Variants in ANKLE2 observed in about 807,000 individuals in gnomAD.
The protein encoded by ANKLE2 is ankyrin repeat and LEM domain-containing protein 2.
In ANKLE2, 55 loss-of-function variants were observed where a neutral mutation model predicts 84.2. The observed-to-expected ratio is 0.65, with a 90% confidence interval of 0.53 to 0.82. The LOEUF (loss-of-function observed/expected upper bound fraction) is 0.82, where lower values mean the gene tolerates loss of function less well. ANKLE2 is among the 40% of genes least tolerant of loss of function. ANKLE2 has a pLI of 0.00. For synonymous variants in ANKLE2, 551 were observed against 486.1 expected (o/e 1.13, Z -1.76); for missense variants, 1,238 against 1,201.9 (o/e 1.03, Z -0.44).
chr12:132,755,129 T>C lies in ANKLE2; in HGVS notation c.186A>G (p.Glu62=). 6.3e-7 allele frequency: 1 copy of C among 1,597,306 alleles called. No individual in the cohort carries two copies. The highest frequency in any genetic ancestry group is 1.1e-5 in the South Asian group (1 of 89,456). The change falls in exon 2 of 13, where the codon GAA becomes GAG. Residue 62 remains glutamate, a synonymous_variant. Transcript: ENST00000357997. ...GAGCCAACAGAGCATCCATTGTCAT[T>C]TCACCTAGGCCCAAGACAAAAAAAT... ...PSAAAAPASG[E]MTMDALLARL...
At chr12:132,740,080 T>C (rs954599649) in intron 7 of ANKLE2, among the ~76,000 whole-genome samples, 1 of 152,198 alleles carries the variant, frequency 6.6e-6, no homozygotes, top group African/African-American at 2.4e-5. Flanking sequence ...TTTCTGACAG[T>C]GTGGTTTGAA....
At position 132,755,013 on chromosome 12, in the gene ANKLE2, A is replaced by G. The variant is rs753780925; in HGVS notation, c.302T>C (p.Ile101Thr). ...AGCCTGAGCCAATTTTTTCTCAAAA[A>G]TGAACCTTGTAGTTGATGTAATGGG... ...CGPITSTTRF[I>T]FEKKLAQALL... Residue 101 changes from isoleucine (I) to threonine (T), a missense_variant, in exon 2 of 13, where the codon ATT (isoleucine) becomes ACT (threonine). Transcript: ENST00000357997. 1.9e-6 allele frequency: 3 copies of G among 1,614,086 alleles called. No homozygotes were observed. The South Asian group carries it at 3.3e-5, about 18-fold the overall frequency.
At chr12:132,751,121 C>A in intron 2 of ANKLE2, 1 of 290,490 alleles carries the variant, frequency 3.4e-6, no homozygotes, top group Non-Finnish European at 6.2e-6. Context: ...AACTAAATTT[C>A]ATATAAAGAT....
intron 6 of ANKLE2, chr12:132,742,447 G>A (rs1054242859): frequency 6.5e-6 from 1 of 152,876 alleles, no homozygotes; most frequent in Non-Finnish European, 1.5e-5. Context: ...ACAGCTCACA[G>A]CTGTAATACA....
intron 7 of ANKLE2, 36 bp from the exon 8 acceptor site, chr12:132,737,101 GC>G: frequency 6.4e-7 from 1 of 1,553,130 alleles, no homozygotes; most frequent in Non-Finnish European, 8.7e-7. Context: ...GCAGGCTTCC[GC>G]CCCCTCCGCA....
chr12:132,741,419 C>G lies in ANKLE2; in HGVS notation c.1420G>C (p.Gly474Arg). 1 of 1,614,188 alleles carries G rather than the reference C, an allele frequency of 6.2e-7. No individual in the cohort carries two copies. The highest frequency in any genetic ancestry group is 8.5e-7 in the Non-Finnish European group (1 of 1,180,022). The change falls in exon 7 of 13, where the codon GGC becomes CGC. Residue 474 changes from glycine (G) to arginine (R), a missense_variant and splice_region_variant. By Grantham distance (125) the Gly-to-Arg change is moderately radical. Transcript: ENST00000357997. Reference sequence around the variant, plus strand: ...TCCAGGCACCAACTCCCCATCTTACCCTTTAAATACTCTCTGATCCGCTCC... The same window carrying G: ...TCCAGGCACCAACTCCCCATCTTACGCTTTAAATACTCTCTGATCCGCTCC... ...LKERIREYLK[G>R]HYYVPLLRAE... is the part of the protein sequence containing the mutation.
intron 1 of ANKLE2, chr12:132,761,347 C>G (rs940242016): frequency 3.3e-6 from 1 of 299,176 alleles, no homozygotes; most frequent in Admixed American, 5.1e-5. Context: ...GCCGGGCCCC[C>G]GCCGCCTTCC....
Position 132,726,931 on chromosome 12 carries a change from C to CAACT in ANKLE2, c.*307_*310dup, listed in dbSNP as rs1410683113. The CAACT allele has an allele frequency of 5.5e-6, 2 of 362,142 alleles. No homozygotes were observed. Among genetic ancestry groups the CAACT allele is most frequent in the Non-Finnish European group, 1.0e-5 (2 of 199,114 alleles). 22.4% of individuals were successfully genotyped at this position (362,142 alleles called of 1,614,324 possible). Reference sequence around the variant, plus strand: ...GGGTAAGTACAGGGCTGCCTGCCTGCAACTGCCTCAGCGCCCTTTCCTCTG... The same window carrying CAACT: ...GGGTAAGTACAGGGCTGCCTGCCTGCAACTAACTGCCTCAGCGCCCTTTCCTCTG... On this transcript the variant is annotated 3_prime_UTR_variant, in exon 13 of 13. Coordinates refer to ENST00000357997, the MANE Select transcript of ANKLE2 (RefSeq NM_015114.3).
chr12:132,728,033 T>A lies in ANKLE2; in HGVS notation c.2614A>T (p.Ser872Cys), dbSNP rs1192860763. ...ACAGGCTGTCCGGGCCCCACATACC[T>A]CTGTCTGTCCGAGGGTGAGTAGCAC... ...VLCYSPSDRQ[S>C]WPSPAVKGRF... is the part of the protein sequence containing the mutation. The change falls in exon 12 of 13, where the codon AGT becomes TGT. Residue 872 changes from serine to cysteine, a missense_variant and splice_region_variant. This residue lies in a region of ANKLE2 where 802 missense variants were observed against 774.5 expected (regional missense o/e 1.04). Transcript: ENST00000357997. 1.3e-6 allele frequency: 2 copies of A among 1,599,582 alleles called. No homozygotes were observed. Among genetic ancestry groups the A allele is most frequent in the Non-Finnish European group, 1.7e-6 (2 of 1,175,732 alleles).
Position 132,728,080 on chromosome 12 carries a change from T to C in ANKLE2, c.2567A>G (p.His856Arg), listed in dbSNP as rs781177662. The change falls in exon 12 of 13, where the codon CAC becomes CGC. Residue 856 changes from histidine to arginine, a missense_variant. Physicochemically the swap from His to Arg is conservative, Grantham distance 29. Coordinates refer to ENST00000357997, the MANE Select transcript of ANKLE2 (RefSeq NM_015114.3). ...DVDPHQFPAV[H>R]RWKSAVLCYS... Reference sequence around the variant, plus strand: ...GCACAGGACAGCACTCTTCCATCTGTGCACGGCCGGGAACTGATGGGGGTC... The same window carrying C: ...GCACAGGACAGCACTCTTCCATCTGCGCACGGCCGGGAACTGATGGGGGTC... The C allele has an allele frequency of 2.5e-6, 4 of 1,612,896 alleles. No homozygotes were observed. The Admixed American group carries it at 5.0e-5, about 20-fold the overall frequency.
chr12:132,758,940 T>TTG (rs2044543682), intron 1 of ANKLE2: 1 of 123,214 alleles, frequency 8.1e-6, no homozygotes, highest in Non-Finnish European at 1.7e-5. Flanking sequence ...GCAGAGTGGA[T>TTG]CACGCAGTGT....
rs955480010 is a variant in ANKLE2 at position 132,750,801 on chromosome 12, T to C, written c.689A>G (p.Lys230Arg). Residue 230 changes from lysine (K) to arginine (R), a missense_variant, in exon 3 of 13, where the codon AAG becomes AGG. Coordinates refer to ENST00000357997, the MANE Select transcript of ANKLE2 (RefSeq NM_015114.3). ...TTTAAATCGGGACCCTTTGATCATC[T>C]TGACAGCTTGCAATGCTTCCTTTTT... ...ENKKEALQAV[K>R]MIKGSRFKAF... is the part of the protein sequence containing the mutation. 4 of 1,614,228 alleles carry C rather than the reference T, an allele frequency of 2.5e-6. No homozygotes were observed. Among genetic ancestry groups the C allele is most frequent in the African/African-American group, 1.3e-5 (1 of 75,056 alleles).
chr12:132,728,237 T>A (rs2043751000), intron 11 of ANKLE2, 74 bp from the exon 12 acceptor site: 1 of 1,565,346 alleles, frequency 6.4e-7, no homozygotes, highest in African/African-American at 1.4e-5. Context: ...CACTACTTTT[T>A]TTTTTATTTT....
chr12:132,748,185 T>C lies in ANKLE2; in HGVS notation c.994A>G (p.Asn332Asp). Reference sequence around the variant, plus strand: ...CCTGAGCCTATCAGATACCGGGGGTTGCTCCAGATAAGGTCAGAAAAGGTG... The same window carrying C: ...CCTGAGCCTATCAGATACCGGGGGTCGCTCCAGATAAGGTCAGAAAAGGTG... ...EDTFSDLIWS[N>D]PRYLIGSGDN... Residue 332 changes from asparagine to aspartate, a missense_variant, in exon 4 of 13, where the codon AAC becomes GAC. This residue lies in a region of ANKLE2 where 14 missense variants were observed against 33.0 expected (regional missense o/e 0.42). Transcript: ENST00000357997. The C allele has an allele frequency of 6.2e-7, 1 of 1,613,938 alleles. No homozygotes were observed. The highest frequency in any genetic ancestry group is 8.5e-7 in the Non-Finnish European group (1 of 1,179,966).
intron 7 of ANKLE2, among the ~76,000 whole-genome samples, chr12:132,741,048 C>G (rs2044112465): frequency 6.6e-6 from 1 of 152,206 alleles, no homozygotes; most frequent in Non-Finnish European, 1.5e-5. Context: ...CTGCCTCTCC[C>G]TGAGCTGTTC....
intron 5 of ANKLE2, among the ~76,000 whole-genome samples, chr12:132,746,471 C>A (rs538205433): frequency 1.3e-5 from 2 of 152,058 alleles, no homozygotes; most frequent in Non-Finnish European, 2.9e-5. Context: ...ATGCAATCAC[C>A]CAGAAAGCCC....
chr12:132,751,767 T>C (rs1008700495), intron 2 of ANKLE2, among the ~76,000 whole-genome samples: 2 of 152,032 alleles, frequency 1.3e-5, no homozygotes, highest in African/African-American at 4.8e-5. Flanking sequence ...AGTCTTGAAC[T>C]CCTGACCTTA....
At chr12:132,730,482 C>T (rs2043818994) in intron 10 of ANKLE2, 1 of 543,378 alleles carries the variant, frequency 1.8e-6, no homozygotes, top group Non-Finnish European at 3.2e-6. Flanking sequence ...TGGAAAACCA[C>T]CCACACGACT....
chr12:132,750,651 C>G lies in ANKLE2; in HGVS notation c.839G>C (p.Arg280Thr). Reference protein sequence around the residue: ...VKTAPLFSNDRLKDGLCLSES... With the variant: ...VKTAPLFSNDTLKDGLCLSES... ...ACGGCTGCATGATTTACCTTTCAAC[C>G]TGTCATTGCTAAAGAGTGGAGCTGT... Residue 280 changes from arginine (R) to threonine (T), a missense_variant, in exon 3 of 13, where the codon AGG becomes ACG. By Grantham distance (71) the Arg-to-Thr change is moderately conservative. Around this residue, in one of 3 missense-constraint regions of ANKLE2, gnomAD observed 422 missense variants for 394.5 expected, o/e 1.07. Coordinates refer to ENST00000357997, the MANE Select transcript of ANKLE2 (RefSeq NM_015114.3). The G allele has an allele frequency of 6.2e-7, 1 of 1,614,120 alleles. No individual in the cohort carries two copies. The highest frequency in any genetic ancestry group is 8.5e-7 in the Non-Finnish European group (1 of 1,180,010).
Sources: allele counts gnomAD v4.1 joint callset (sites outside exome capture counted in the v4.1 genomes callset), GRCh38; gene constraint gnomAD v4.1.1; regional missense constraint gnomAD v4.1.1; transcripts MANE v1.5; gene names NCBI Gene and HGNC (gene_info 2026-07-23, HGNC 2026-07-21).